GALNT17: variants seen among roughly 807,000 people sequenced by gnomAD.
The protein encoded by GALNT17 is UDP-GalNAc:polypeptide N-acetylgalactosaminyltransferase-like 3.
A neutral mutation model predicts 63.7 loss-of-function variants in GALNT17; 29 were observed. The observed-to-expected ratio is 0.46, with a 90% CI of 0.34 to 0.62. The LOEUF (loss-of-function observed/expected upper bound fraction) is 0.62. Ranked by LOEUF, GALNT17 falls within the 20% of genes least tolerant of loss-of-function variation. The probability of loss-of-function intolerance (pLI) is 0.01; values close to 1 mark genes in which losing one functional copy is unlikely to be tolerated. For missense variants in GALNT17, 603 were observed against 799.6 expected, an observed-to-expected ratio of 0.75 and a Z score of 2.97; for synonymous variants, 305 against 318.3, an observed-to-expected ratio of 0.96 and a Z score of 0.45.
intron 5 of GALNT17, among the ~76,000 whole-genome samples, chr7:71,461,222 GTAGAC>G (rs1787445423): frequency 7.6e-6 from 1 of 131,376 alleles, no homozygotes; most frequent in South Asian, 2.2e-4. Flanking sequence ...AGTTGACACC[GTAGAC>G]TTGTCAAGGG....
intron 1 of GALNT17, among the ~76,000 whole-genome samples, chr7:71,194,193 ACACCATCATGCAC>A (rs1196206960): frequency 6.6e-6 from 1 of 152,140 alleles, no homozygotes; most frequent in Non-Finnish European, 1.5e-5. Context: ...CTACAGGTAC[ACACCATCATGCAC>A]CACCATATCA....
At chr7:71,246,594 G>A (rs997504381) in intron 1 of GALNT17, among the ~76,000 whole-genome samples, 29 of 151,974 alleles carry the variant, frequency 1.9e-4, no homozygotes, top group Admixed American at 1.9e-3. Context: ...ACTTTGGGAG[G>A]CCGAGGAGGG....
At chr7:71,367,532 T>C (rs1441629927) in intron 2 of GALNT17, among the ~76,000 whole-genome samples, 1 of 152,104 alleles carries the variant, frequency 6.6e-6, no homozygotes, top group Non-Finnish European at 1.5e-5. Context: ...GTCCCTAATC[T>C]ATGTGGTTGT....
chr7:71,313,357 A>C (rs1791443435), intron 1 of GALNT17, among the ~76,000 whole-genome samples: 1 of 152,196 alleles, frequency 6.6e-6, no homozygotes, highest in South Asian at 2.1e-4. Flanking sequence ...GCAAGGCTGC[A>C]TCTTCATACC....
intron 6 of GALNT17, among the ~76,000 whole-genome samples, chr7:71,659,123 A>T (rs1790869859): frequency 6.6e-6 from 1 of 152,162 alleles, no homozygotes; most frequent in Non-Finnish European, 1.5e-5. Context: ...CCTCCAGGTA[A>T]TTGCCTGGTG....
At chr7:71,571,503 A>G (rs1341284258) in intron 6 of GALNT17, 101 bp downstream of exon 6, 5 of 923,742 alleles carry the variant, frequency 5.4e-6, no homozygotes, top group Admixed American at 1.8e-5. Context: ...CAGCTGATGA[A>G]TGACAGATTC....
intron 5 of GALNT17, among the ~76,000 whole-genome samples, chr7:71,521,759 G>A (rs56670487): frequency 0.067 from 10,138 of 152,230 alleles, 788 homozygotes; most frequent in East Asian, 0.39. Context: ...CATCAATCAT[G>A]CTGCAAGAAG....
intron 1 of GALNT17, among the ~76,000 whole-genome samples, chr7:71,245,669 G>T (rs910609761): frequency 6.6e-6 from 1 of 152,116 alleles, no homozygotes; most frequent in African/African-American, 2.4e-5. Context: ...TCTCTTTAAT[G>T]GGCAAAGGCT....
Position 71,415,853 on chromosome 7 carries a change from T to A in GALNT17, c.590-36T>A, listed in dbSNP as rs758660115. On this transcript the variant is annotated intron_variant, in intron 3 of 10. Transcript: ENST00000333538. ...GGTTAGATGCAAATTTGAAATGACATGTTTATAGACCTTCTTGCATTTTTG... is the reference window on the plus strand; with the variant it reads ...GGTTAGATGCAAATTTGAAATGACAAGTTTATAGACCTTCTTGCATTTTTG... 135 of 1,523,748 alleles carry A rather than the reference T, an allele frequency of 8.9e-5. 1 individual carries two copies. In the South Asian group the frequency reaches 1.8e-3, roughly 20 times the overall value. 94.4% of individuals were successfully genotyped at this position (1,523,748 alleles called of 1,614,324 possible).
chr7:71,550,860 G>C (rs1173101330), intron 5 of GALNT17, among the ~76,000 whole-genome samples: 1 of 151,770 alleles, frequency 6.6e-6, no homozygotes, highest in Non-Finnish European at 1.5e-5. Context: ...TTAAATCTCT[G>C]ATTTTTTTTA....
chr7:71,134,314 C>A (rs891040142), intron 1 of GALNT17, among the ~76,000 whole-genome samples: 2 of 152,214 alleles, frequency 1.3e-5, no homozygotes, highest in Non-Finnish European at 2.9e-5. Context: ...TTGTTGAAAA[C>A]AGAAATATGT....
At chr7:71,554,248 G>A (rs1252502327) in intron 5 of GALNT17, among the ~76,000 whole-genome samples, 2 of 152,148 alleles carry the variant, frequency 1.3e-5, no homozygotes, top group Non-Finnish European at 2.9e-5. Flanking sequence ...TCCTGGGGAC[G>A]GGTTTTTCCC....
chr7:71,235,629 C>T (rs1165035889), intron 1 of GALNT17, among the ~76,000 whole-genome samples: 1 of 152,198 alleles, frequency 6.6e-6, no homozygotes, highest in African/African-American at 2.4e-5. Context: ...ACTGAAAAGT[C>T]AGGCTTTTAT....
chr7:71,662,608 A>G (rs1790925680), intron 6 of GALNT17, among the ~76,000 whole-genome samples: 1 of 152,152 alleles, frequency 6.6e-6, no homozygotes, highest in African/African-American at 2.4e-5. Flanking sequence ...CAGACATTTC[A>G]TATAAATGGA....
chr7:71,506,611 CAAAT>C (rs1788273624), intron 5 of GALNT17, among the ~76,000 whole-genome samples: 1 of 152,050 alleles, frequency 6.6e-6, no homozygotes, highest in African/African-American at 2.4e-5. Flanking sequence ...TTTTAATTAA[CAAAT>C]AATAATTGTA....
chr7:71,627,911 T>TA (rs780400435), intron 6 of GALNT17, among the ~76,000 whole-genome samples: 3 of 152,118 alleles, frequency 2.0e-5, no homozygotes, highest in African/African-American at 4.8e-5. Flanking sequence ...TTAGGAGTGA[T>TA]ACGGCTGCCA....
intron 6 of GALNT17, among the ~76,000 whole-genome samples, chr7:71,638,664 T>C (rs1470392799): frequency 6.6e-6 from 1 of 152,136 alleles, no homozygotes; most frequent in Admixed American, 6.5e-5. Context: ...TCTGAGAGTG[T>C]AGGTTTATCA....
Position 71,665,575 on chromosome 7 carries a change from A to G in GALNT17, c.1245A>G (p.Ile415Met), listed in dbSNP as rs1790973118. ...WMDDYKSHVYIAWNLPLENPG... is the reference protein window; with the variant it reads ...WMDDYKSHVYMAWNLPLENPG... ...ACGATTACAAGTCTCATGTGTACAT[A>G]GCGTGGAACCTGCCGCTGGAGGTAG... Residue 415 changes from isoleucine (I) to methionine (M), a missense_variant, in exon 7 of 11, where the codon ATA (isoleucine) becomes ATG (methionine). Ile to Met is a conservative substitution (Grantham distance 10). Around this residue, in one of 3 missense-constraint regions of GALNT17, gnomAD observed 336 missense variants for 507.8 expected, o/e 0.66. Transcript: ENST00000333538. 6.2e-7 allele frequency: 1 copy of G among 1,613,478 alleles called. No individual in the cohort carries two copies. Among genetic ancestry groups the G allele is most frequent in the Non-Finnish European group, 8.5e-7 (1 of 1,179,814 alleles).
At chr7:71,198,015 T>C (rs1202650) in intron 1 of GALNT17, among the ~76,000 whole-genome samples, 48,658 of 151,482 alleles carry the variant, frequency 0.32, 9,668 homozygotes, top group African/African-American at 0.56. Context: ...CTGGCCAACA[T>C]GGTGAAACTG....
Sources: gnomAD v4.1 joint callset for allele counts (sites outside exome capture counted in the v4.1 genomes callset) on GRCh38, gnomAD v4.1.1 for gene constraint, gnomAD v4.1.1 regional missense constraint, MANE v1.5 for transcripts, NCBI Gene and HGNC (gene_info 2026-07-23, HGNC 2026-07-21) for gene names.